TXNL4A: variants seen among roughly 807,000 people sequenced by gnomAD.
TXNL4A encodes the protein thioredoxin like 4A.
TXNL4A carries 17 observed loss-of-function variants against 14.6 expected under a neutral mutation model. The observed-to-expected ratio is 1.16, with a 90% CI of 0.80 to 1.74. The LOEUF is 1.74. TXNL4A is among the 40% of genes most tolerant of loss of function. TXNL4A has a pLI of 0.00. For missense variants in TXNL4A, 74 were observed against 195.2 expected (o/e 0.38, Z 3.70); for synonymous variants, 83 against 70.6 (o/e 1.18, Z -0.88).
chr18:80,024,828 G>C (rs572968199), intron 1 of TXNL4A, among the ~76,000 whole-genome samples: 14 of 152,302 alleles, frequency 9.2e-5, no homozygotes, highest in African/African-American at 3.4e-4. Context: ...CGGTTCAGGA[G>C]GTAACGGCCC....
In TXNL4A at chr18:80,011,199, G is replaced by A. The variant is rs957780892; in HGVS notation, c.-61+22652C>T. On this transcript the variant is annotated intron_variant, in intron 1 of 2. Coordinates refer to the TXNL4A transcript ENST00000585474. The surrounding 1 kb of genome is among the most constrained non-coding windows in gnomAD (Gnocchi z 4.1). Reference sequence around the variant, plus strand: ...AAACATATAAGGAAAAGAGGTTTTCGTAGGGGAGCTAACCAGGCCCAAAAC... The same window carrying A: ...AAACATATAAGGAAAAGAGGTTTTCATAGGGGAGCTAACCAGGCCCAAAAC... 3.9e-5 allele frequency among the ~76,000 whole-genome samples: 6 copies of A among 152,154 alleles called. No individual in the cohort carries two copies. The highest frequency in any genetic ancestry group is 6.5e-5 in the Admixed American group (1 of 15,278).
At chr18:79,986,190 C>T (rs542170579) in intron 1 of TXNL4A, among the ~76,000 whole-genome samples, 50 of 152,212 alleles carry the variant, frequency 3.3e-4, no homozygotes, top group South Asian at 2.1e-3. Context: ...CAGGCACGTG[C>T]CACCACGCCC....
At chr18:79,991,775 C>T (rs772217011), upstream of TXNL4A, among the ~76,000 whole-genome samples, 2 of 152,132 alleles carry the variant, frequency 1.3e-5, no homozygotes, top group African/African-American at 2.4e-5. Context: ...TATTTATGTA[C>T]CTCGTGAACC....
At chr18:79,976,412 C>A (rs1235669315) in intron 2 of TXNL4A, among the ~76,000 whole-genome samples, 1 of 152,184 alleles carries the variant, frequency 6.6e-6, no homozygotes, top group African/African-American at 2.4e-5. Context: ...GTAACTGGGT[C>A]TCTGGCAGCA....
Position 79,993,730 on chromosome 18 carries a change from A to G in TXNL4A, c.-60-16029T>C, listed in dbSNP as rs552258694. On this transcript the variant is annotated intron_variant, in intron 1 of 2. Transcript: ENST00000585474. This position sits in a 1 kb window ranked among gnomAD's most constrained non-coding sequence, Gnocchi z 4.4. The stretch of plus-strand genomic sequence containing the variant: ...GAAATAAGAGCACTTTACTCCCCTC[A>G]GCCTTTCGGGGCATTCTTAGGCAAC... Among the ~76,000 whole-genome samples the G allele has an allele frequency of 1.2e-3, 176 of 152,252 alleles. No homozygotes were observed. Among genetic ancestry groups the G allele is most frequent in the Non-Finnish European group, 1.9e-3 (127 of 68,026 alleles).
chr18:79,983,961 A>C (rs1024977092), intron 1 of TXNL4A, among the ~76,000 whole-genome samples: 4 of 151,220 alleles, frequency 2.6e-5, no homozygotes, highest in Non-Finnish European at 5.9e-5. Context: ...ACCACTCCTC[A>C]TACCTTGTGG....
At chr18:79,993,439 A>G (rs1472607088), upstream of TXNL4A, among the ~76,000 whole-genome samples, 4 of 152,178 alleles carry the variant, frequency 2.6e-5, no homozygotes, top group South Asian at 2.1e-4. The surrounding 1 kb of genome is among the most constrained non-coding windows in gnomAD (Gnocchi z 4.4). Flanking sequence ...ATCACTAGGT[A>G]AGGAATTGGT....
intron 1 of TXNL4A, among the ~76,000 whole-genome samples, chr18:80,017,916 T>C (rs2051822894): frequency 1.3e-5 from 2 of 151,646 alleles, no homozygotes; most frequent in Non-Finnish European, 2.9e-5. Flanking sequence ...TTCTATTGAT[T>C]GGAATAGTTT....
chr18:79,975,115 C>T (rs1477805901), intron 2 of TXNL4A, among the ~76,000 whole-genome samples: 1 of 152,178 alleles, frequency 6.6e-6, no homozygotes. Context: ...GTAGCACCCT[C>T]CCTGCAGCCC....
chr18:80,021,993 C>CTTTTTTTTTTTTTTTTTTTTTTTT (rs57141907), intron 1 of TXNL4A, among the ~76,000 whole-genome samples: 1 of 150,210 alleles, frequency 6.7e-6, no homozygotes. Context: ...GCTAGAATAC[C>CTTTTTTTTTTTTTTTTTTTTTTTT]TTTTTTTTTT....
At chr18:79,986,358 T>C (rs2051547977) in intron 1 of TXNL4A, among the ~76,000 whole-genome samples, 1 of 152,190 alleles carries the variant, frequency 6.6e-6, no homozygotes, top group South Asian at 2.1e-4. Context: ...TTAATAACTA[T>C]ATTATAATAT....
chr18:79,989,713 G>A (rs1425979313), upstream of TXNL4A, among the ~76,000 whole-genome samples: 1 of 151,988 alleles, frequency 6.6e-6, no homozygotes, highest in Admixed American at 6.5e-5. Flanking sequence ...AACAAATCAC[G>A]CCCGGGCGCG....
chr18:79,980,696 A>C (rs532224420), intron 1 of TXNL4A, among the ~76,000 whole-genome samples: 1 of 152,206 alleles, frequency 6.6e-6, no homozygotes, highest in Non-Finnish European at 1.5e-5. Flanking sequence ...ACTCCAGCAC[A>C]GGGCCCACTG....
intron 1 of TXNL4A, chr18:79,985,760 A>C (rs982753000): frequency 1.3e-5 from 2 of 152,324 alleles, no homozygotes; most frequent in African/African-American, 2.4e-5. Context: ...GAAAAATCAT[A>C]TCAAGTCCAG....
chr18:80,005,066 C>T (rs1016123223), intron 1 of TXNL4A, among the ~76,000 whole-genome samples: 5 of 152,218 alleles, frequency 3.3e-5, no homozygotes, highest in Admixed American at 2.0e-4. Context: ...CAAAGCCAAA[C>T]GTGACCTAGA....
At chr18:79,994,754 C>A (rs1194914312) in intron 1 of TXNL4A, among the ~76,000 whole-genome samples, 1 of 152,186 alleles carries the variant, frequency 6.6e-6, no homozygotes, top group Non-Finnish European at 1.5e-5. Context: ...CTCCAAATCC[C>A]TTACTTCCCC....
chr18:80,009,810 G>A (rs896367897), intron 1 of TXNL4A, among the ~76,000 whole-genome samples: 17 of 152,142 alleles, frequency 1.1e-4, no homozygotes, highest in East Asian at 3.9e-4. Flanking sequence ...ATGGTGTCCC[G>A]CCAGAGCTTG....
intron 1 of TXNL4A, among the ~76,000 whole-genome samples, chr18:79,984,137 A>G (rs2051507578): frequency 6.6e-6 from 1 of 152,058 alleles, no homozygotes; most frequent in South Asian, 2.1e-4. Context: ...AAAAATATCC[A>G]TTCTGTTTGT....
intron 1 of TXNL4A, among the ~76,000 whole-genome samples, chr18:80,021,630 T>A: frequency 1.3e-5 from 2 of 152,366 alleles, no homozygotes; most frequent in Middle Eastern, 6.8e-3. Flanking sequence ...CTGGATGGAT[T>A]GGAACTATAG....
Sources: gnomAD v4.1 joint callset for allele counts (sites outside exome capture counted in the v4.1 genomes callset) on GRCh38, gnomAD v4.1.1 for gene constraint, Gnocchi (gnomAD v3.1) non-coding constraint, MANE v1.5 for transcripts, NCBI Gene and HGNC (gene_info 2026-07-23, HGNC 2026-07-21) for gene names.